Variants in RAB3C observed in about 807,000 individuals in gnomAD.
RAB3C encodes the protein RAB3C, member RAS oncogene family.
RAB3C carries 17 observed loss-of-function variants against 26.4 expected under a neutral mutation model. The ratio of observed to expected loss-of-function variants is 0.64; its 90% confidence interval spans 0.44 to 0.97. RAB3C has a LOEUF of 0.97. RAB3C is among the 50% of genes least tolerant of loss of function. RAB3C has a pLI of 0.00. For synonymous variants in RAB3C, 91 were observed against 95.9 expected, an observed-to-expected ratio of 0.95 and a Z score of 0.30; for missense variants, 242 against 281.9, an observed-to-expected ratio of 0.86 and a Z score of 1.01.
chr5:58,612,540 ATATATATG>A (rs774275563), intron 1 of RAB3C, among the ~76,000 whole-genome samples: 12,507 of 61,562 alleles, frequency 0.2, 686 homozygotes, highest in Non-Finnish European at 0.27. Flanking sequence ...ATATATATAT[ATATATATG>A]TATATATATA....
intron 3 of RAB3C, among the ~76,000 whole-genome samples, chr5:58,728,013 T>C (rs983089556): frequency 1.3e-5 from 2 of 152,142 alleles, no homozygotes; most frequent in African/African-American, 2.4e-5. Flanking sequence ...TCTTTTCTTC[T>C]ATCCTTTTTT....
At chr5:58,597,254 A>G (rs370718209) in intron 1 of RAB3C, among the ~76,000 whole-genome samples, 5 of 38 alleles carry the variant, frequency 0.13, 1 homozygote, top group South Asian at 0.5. Context: ...TATATAATAT[A>G]TACTACACAA....
rs1208496891 is a variant in RAB3C at position 58,597,736 on chromosome 5, AAC to A, written c.24+14506_24+14507del. ...TATAGTACATTATATATAAGTATAT[AAC>A]ATATAATACATTATATATAAGTATA... is the stretch of plus-strand genomic sequence containing the variant. On this transcript the variant is annotated intron_variant, in intron 1 of 4. Transcript: ENST00000282878. Among the ~76,000 whole-genome samples the A allele has an allele frequency of 7.1e-4, 91 of 128,062 alleles. 2 individuals are homozygous for A. The highest frequency in any genetic ancestry group is 2.4e-3 in the African/African-American group (82 of 33,966). 84.0% of individuals were successfully genotyped at this position (128,062 alleles called of 152,430 possible).
At chr5:58,765,845 G>A (rs150507976) in intron 3 of RAB3C, among the ~76,000 whole-genome samples, 3 of 152,254 alleles carry the variant, frequency 2.0e-5, no homozygotes, top group Middle Eastern at 3.4e-3. Context: ...CCTGGTGGGA[G>A]GTGATTGGAT....
chr5:58,845,680 A>G (rs1833809), intron 4 of RAB3C, among the ~76,000 whole-genome samples: 2 of 140,882 alleles, frequency 1.4e-5, no homozygotes, highest in Non-Finnish European at 3.0e-5. Context: ...ATATGTATAT[A>G]TGTGTATATA....
chr5:58,582,981 T>C (rs930502373), upstream of RAB3C: 96 of 1,249,834 alleles, frequency 7.7e-5, no homozygotes, highest in Non-Finnish European at 1.0e-4. Flanking sequence ...CTCGCCCGTT[T>C]GCCGGGAACA....
chr5:58,716,775 A>G (rs1749181551), intron 2 of RAB3C, among the ~76,000 whole-genome samples: 1 of 147,308 alleles, frequency 6.8e-6, no homozygotes, highest in African/African-American at 2.5e-5. Context: ...TAGATCTCAT[A>G]GTATTTCCAG....
chr5:58,790,666 G>C (rs1742504322), intron 3 of RAB3C, among the ~76,000 whole-genome samples: 1 of 152,098 alleles, frequency 6.6e-6, no homozygotes. Context: ...TTGATGCAAG[G>C]GTATTGCACT....
intron 2 of RAB3C, among the ~76,000 whole-genome samples, chr5:58,717,895 A>G (rs1345112206): frequency 6.6e-6 from 1 of 152,132 alleles, no homozygotes; most frequent in Non-Finnish European, 1.5e-5. Flanking sequence ...CCCAATCGGC[A>G]CATGGCTTTG....
At chr5:58,797,359 T>TAAAAAAAAA (rs1561133474) in intron 3 of RAB3C, among the ~76,000 whole-genome samples, 1 of 17,098 alleles carries the variant, frequency 5.8e-5, no homozygotes, top group Non-Finnish European at 9.1e-5. Flanking sequence ...AAAAAATATG[T>TAAAAAAAAA]ATATATATAA....
intron 1 of RAB3C, among the ~76,000 whole-genome samples, chr5:58,594,626 C>T (rs1044020492): frequency 6.6e-6 from 1 of 152,026 alleles, no homozygotes; most frequent in Non-Finnish European, 1.5e-5. Context: ...CTCGTAAGTG[C>T]ATGGACAACA....
At chr5:58,715,821 A>G (rs1230918937) in intron 2 of RAB3C, among the ~76,000 whole-genome samples, 1 of 152,114 alleles carries the variant, frequency 6.6e-6, no homozygotes, top group African/African-American at 2.4e-5. Flanking sequence ...AAGCTTGCCA[A>G]TCAGGAAGAG....
intron 2 of RAB3C, among the ~76,000 whole-genome samples, chr5:58,650,103 A>G (rs577535535): frequency 2.6e-4 from 39 of 152,356 alleles, no homozygotes; most frequent in Admixed American, 7.2e-4. Flanking sequence ...GAAATTGCAT[A>G]ATATTGCTCT....
chr5:58,619,944 A>T (rs1746900279), intron 2 of RAB3C, among the ~76,000 whole-genome samples: 1 of 151,810 alleles, frequency 6.6e-6, no homozygotes, highest in Non-Finnish European at 1.5e-5. Flanking sequence ...TGAGCCAACC[A>T]AAGCTCAGAT....
At chr5:58,593,706 A>G (rs372102963) in intron 1 of RAB3C, among the ~76,000 whole-genome samples, 2 of 152,204 alleles carry the variant, frequency 1.3e-5, no homozygotes, top group East Asian at 1.9e-4. Context: ...GCCTTTTCCA[A>G]CACCAACATG....
chr5:58,709,670 C>T (rs1215448791), intron 2 of RAB3C, among the ~76,000 whole-genome samples: 2 of 152,162 alleles, frequency 1.3e-5, no homozygotes, highest in South Asian at 2.1e-4. Context: ...TCCATAGGTG[C>T]ATCTCTCAAT....
chr5:58,769,528 A>G (rs1429209669), intron 3 of RAB3C, among the ~76,000 whole-genome samples: 3 of 152,116 alleles, frequency 2.0e-5, no homozygotes, highest in African/African-American at 7.2e-5. Flanking sequence ...GAGAATCCTG[A>G]CAACCATATC....
intron 2 of RAB3C, among the ~76,000 whole-genome samples, chr5:58,679,537 C>A (rs187550907): frequency 2.0e-5 from 3 of 152,066 alleles, no homozygotes; most frequent in African/African-American, 4.8e-5. Context: ...GGGCCTTCAC[C>A]TTATGGTTTT....
At chr5:58,657,806 T>TC (rs1747814428) in intron 2 of RAB3C, among the ~76,000 whole-genome samples, 1 of 151,946 alleles carries the variant, frequency 6.6e-6, no homozygotes, top group African/African-American at 2.4e-5. Context: ...CTTAGTTTTA[T>TC]CCCCCCTAAA....
Sources: gnomAD v4.1 joint callset for allele counts (sites outside exome capture counted in the v4.1 genomes callset) on GRCh38, gnomAD v4.1.1 for gene constraint, MANE v1.5 for transcripts, NCBI Gene and HGNC (gene_info 2026-07-23, HGNC 2026-07-21) for gene names.